YEATS2: variants seen among roughly 807,000 people sequenced by gnomAD.
YEATS2 encodes the protein YEATS domain containing 2.
Under a neutral mutation model 163.2 loss-of-function variants are expected in YEATS2, and 77 were observed. The observed-to-expected ratio is 0.47, with a 90% CI of 0.39 to 0.57. The LOEUF (loss-of-function observed/expected upper bound fraction) is 0.57, where lower values mean the gene tolerates loss of function less well. Among genes scored for constraint, YEATS2 ranks in the 20% least tolerant of loss-of-function variants. The pLI, the probability that YEATS2 is intolerant of heterozygous loss-of-function variation, is 0.00. For synonymous variants in YEATS2, 631 were observed against 645.1 expected (o/e 0.98, Z 0.33); for missense variants, 1,549 against 1,729.8 (o/e 0.90, Z 1.85).
At position 183,810,992 on chromosome 3, in the gene YEATS2, C is replaced by G. The variant is rs1726750934; in HGVS notation, c.*409C>G. ...TCACCCATTTTGTGGGCTGGAGTTA[C>G]CAGTAGCTCCAGCAGTTACCCTGAA... is the stretch of plus-strand genomic sequence containing the variant. On this transcript the variant is annotated 3_prime_UTR_variant, in exon 31 of 31. Coordinates refer to ENST00000305135, the MANE Select transcript of YEATS2 (RefSeq NM_018023.5). 9.9e-6 allele frequency: 2 copies of G among 202,344 alleles called. No homozygotes were observed. Among genetic ancestry groups the G allele is most frequent in the African/African-American group, 4.7e-5 (2 of 42,826 alleles). 12.5% of individuals were successfully genotyped at this position (202,344 alleles called of 1,614,324 possible). A position where few individuals can be genotyped will look rare whatever the true frequency, so the allele number is the denominator to read the frequency against.
intron 21 of YEATS2, among the ~76,000 whole-genome samples, chr3:183,792,516 A>C (rs1724754560): frequency 6.6e-6 from 1 of 151,992 alleles, no homozygotes; most frequent in Non-Finnish European, 1.5e-5. Context: ...ATTGTATTGT[A>C]CTGTATTATT....
chr3:183,810,874 G>C lies in YEATS2; in HGVS notation c.*291G>C. On this transcript the variant is annotated 3_prime_UTR_variant, in exon 31 of 31. Transcript: ENST00000305135. ...AGGCCCCACGAGAGCGGGCCAGGCC[G>C]TGTGCCTCAGGCCCTTCTCCCTGGG... The C allele has an allele frequency of 2.7e-6, 1 of 368,436 alleles. No homozygotes were observed. The highest frequency in any genetic ancestry group is 5.1e-6 in the Non-Finnish European group (1 of 194,440). The allele number at this position is 368,436 out of a possible 1,614,324, so 22.8% of individuals were successfully genotyped here. A position where few individuals can be genotyped will look rare whatever the true frequency, so the allele number is the denominator to read the frequency against.
intron 15 of YEATS2, among the ~76,000 whole-genome samples, chr3:183,770,315 C>T (rs775694821): frequency 1.1e-4 from 16 of 151,670 alleles, no homozygotes; most frequent in Non-Finnish European, 2.1e-4. Context: ...ACCCGTGAGG[C>T]GGAGGTTGCA....
In YEATS2 at chr3:183,711,241, C is replaced by T. The variant is rs145874184; in HGVS notation, c.-19-3903C>T. Among the ~76,000 whole-genome samples, 1,171 of 151,834 alleles carry T rather than the reference C, an allele frequency of 7.7e-3. 10 individuals carry two copies. The highest frequency in any genetic ancestry group is 0.027 in the African/African-American group (1,114 of 41,414). The stretch of plus-strand genomic sequence containing the variant: ...ATCCCAGCACTTTGGGAGGCCAAGG[C>T]GGGCGGATCACGAGGTCAGGAGATT... On this transcript the variant is annotated intron_variant, in intron 1 of 30. Transcript: ENST00000305135.
At chr3:183,708,193 T>C (rs9290773) in intron 1 of YEATS2, among the ~76,000 whole-genome samples, 1,489 of 146,340 alleles carry the variant, frequency 0.01, 28 homozygotes, top group African/African-American at 0.036. Flanking sequence ...TACGGAGTCT[T>C]GCTCTGTCAC....
At chr3:183,803,779 C>T (rs1725912242) in intron 26 of YEATS2, 3 of 590,138 alleles carry the variant, frequency 5.1e-6, no homozygotes, top group African/African-American at 1.9e-5. Context: ...TCCTTAAAGG[C>T]CAAACCTAGG....
intron 8 of YEATS2, among the ~76,000 whole-genome samples, chr3:183,744,453 A>G (rs1719316690): frequency 6.6e-6 from 1 of 152,044 alleles, no homozygotes; most frequent in Non-Finnish European, 1.5e-5. Context: ...TTAACACAGC[A>G]CATACTACCT....
Position 183,798,885 on chromosome 3 carries a change from C to G in YEATS2, c.3227-6C>G, listed in dbSNP as rs1185402637. ...GTTATATCCCTCCCTCCTTTTTTCC[C>G]TTTAGTGGTTCAGTCATTTTCTACC... is the stretch of plus-strand genomic sequence containing the variant. On this transcript the variant is annotated splice_polypyrimidine_tract_variant and splice_region_variant and intron_variant, in intron 22 of 30. Coordinates refer to ENST00000305135, the MANE Select transcript of YEATS2 (RefSeq NM_018023.5). 1 of 1,609,052 alleles carries G rather than the reference C, an allele frequency of 6.2e-7. No homozygotes were observed. The highest frequency in any genetic ancestry group is 1.1e-5 in the South Asian group (1 of 90,922).
chr3:183,753,867 CTT>C (rs1464510072), intron 10 of YEATS2, among the ~76,000 whole-genome samples: 1 of 151,882 alleles, frequency 6.6e-6, no homozygotes, highest in Non-Finnish European at 1.5e-5. Context: ...AACATAAGAA[CTT>C]TTGTTCTTTT....
At chr3:183,728,911 G>T in intron 7 of YEATS2, 60 bp downstream of exon 7, 1 of 1,477,856 alleles carries the variant, frequency 6.8e-7, no homozygotes, top group Non-Finnish European at 9.2e-7. Flanking sequence ...TGAAGTGGAA[G>T]AAAAGTGATT....
chr3:183,800,360 G>A, intron 23 of YEATS2, 106 bp from the exon 24 acceptor site: 2 of 735,858 alleles, frequency 2.7e-6, no homozygotes, highest in Non-Finnish European at 4.6e-6. Flanking sequence ...CAGCTGGAGT[G>A]GCAGTTTCCT....
rs187019806 is a variant in YEATS2, at chr3:183,808,570, C to T, written c.4086+466C>T. Among the ~76,000 whole-genome samples, 393 of 152,290 alleles carry T rather than the reference C, an allele frequency of 2.6e-3. 4 individuals are homozygous for T. Among genetic ancestry groups the T allele is most frequent in the African/African-American group, 8.7e-3 (363 of 41,566 alleles). On this transcript the variant is annotated intron_variant, in intron 29 of 30. Coordinates refer to ENST00000305135, the MANE Select transcript of YEATS2 (RefSeq NM_018023.5). ...CAACTGCTTTCCTTAAATACAATGTCTAGGGCTGGGCGCGGTGGCTCATGC... is the reference window on the plus strand; with the variant it reads ...CAACTGCTTTCCTTAAATACAATGTTTAGGGCTGGGCGCGGTGGCTCATGC...
intron 19 of YEATS2, among the ~76,000 whole-genome samples, chr3:183,778,567 G>A (rs921386657): frequency 6.6e-6 from 1 of 152,106 alleles, no homozygotes; most frequent in African/African-American, 2.4e-5. Flanking sequence ...TGTTGGTCAG[G>A]CTGGTCTCCA....
At chr3:183,745,830 CTGTTT>C (rs1040643402) in intron 8 of YEATS2, among the ~76,000 whole-genome samples, 2 of 151,970 alleles carry the variant, frequency 1.3e-5, no homozygotes, top group Admixed American at 6.6e-5. Context: ...TTTCTTTTTT[CTGTTT>C]TGTTTGTTTG....
chr3:183,810,680 C>T lies in YEATS2; in HGVS notation c.*97C>T, dbSNP rs1398813591. ...GGGAAGGAGGTGGTTTCCAGTGTGA[C>T]TCGGCATGTCATGGCTACCCAACCT... On this transcript the variant is annotated 3_prime_UTR_variant, in exon 31 of 31. Transcript: ENST00000305135. 3 of 1,139,068 alleles carry T rather than the reference C, an allele frequency of 2.6e-6. No individual in the cohort carries two copies. The highest frequency in any genetic ancestry group is 2.0e-5 in the Admixed American group (1 of 50,054). The allele number at this position is 1,139,068 out of a possible 1,614,324, so 70.6% of individuals were successfully genotyped here.
At chr3:183,787,384 CT>C (rs1009810776) in intron 20 of YEATS2, among the ~76,000 whole-genome samples, 2 of 151,144 alleles carry the variant, frequency 1.3e-5, no homozygotes, top group African/African-American at 2.4e-5. Flanking sequence ...TGTTCTTGTC[CT>C]TTTTTTTTAA....
In YEATS2 at chr3:183,721,988, C is replaced by G; in HGVS notation, c.389C>G (p.Ala130Gly). 1 of 1,614,152 alleles carries G rather than the reference C, an allele frequency of 6.2e-7. No individual in the cohort carries two copies. Among genetic ancestry groups the G allele is most frequent in the Non-Finnish European group, 8.5e-7 (1 of 1,180,032 alleles). The change falls in exon 5 of 31, where the codon GCA becomes GGA. Residue 130 changes from alanine to glycine, a missense_variant. Coordinates refer to ENST00000305135, the MANE Select transcript of YEATS2 (RefSeq NM_018023.5). Reference sequence around the variant, plus strand: ...TCATCATCTCCTGCCAATCAGAGAGCAGAAACACCATCAGCCAATCATTCA... The same window carrying G: ...TCATCATCTCCTGCCAATCAGAGAGGAGAAACACCATCAGCCAATCATTCA... ...SRSSSPANQR[A>G]ETPSANHSES...
intron 7 of YEATS2, among the ~76,000 whole-genome samples, chr3:183,730,052 GT>G (rs869091775): frequency 5.2e-3 from 216 of 41,674 alleles, no homozygotes; most frequent in Non-Finnish European, 6.5e-3. Context: ...TTTTTTGTTT[GT>G]TTTTTTTTTT....
At chr3:183,699,544 C>T (rs1038834382) in intron 1 of YEATS2, among the ~76,000 whole-genome samples, 3 of 149,628 alleles carry the variant, frequency 2.0e-5, no homozygotes, top group African/African-American at 7.4e-5. Flanking sequence ...AGGACCCCGT[C>T]TCTTAAAAAA....
Sources: gnomAD v4.1 joint callset for allele counts (sites outside exome capture counted in the v4.1 genomes callset) on GRCh38, gnomAD v4.1.1 for gene constraint, MANE v1.5 for transcripts, NCBI Gene and HGNC (gene_info 2026-07-23, HGNC 2026-07-21) for gene names.